Variants in ST3GAL6 observed in about 807,000 individuals in gnomAD.
ST3GAL6 encodes the protein type 2 lactosamine alpha-2,3-sialyltransferase.
Under a neutral mutation model 40.5 loss-of-function variants are expected in ST3GAL6, and 31 were observed. The observed-to-expected ratio is 0.77, with a 90% CI of 0.58 to 1.03. The LOEUF is 1.03. ST3GAL6 is among the 50% of genes least tolerant of loss of function. The probability of loss-of-function intolerance (pLI) is 0.00; values close to 1 mark genes in which losing one functional copy is unlikely to be tolerated. For synonymous variants in ST3GAL6, 129 were observed against 136.9 expected (o/e 0.94, Z 0.40); for missense variants, 357 against 393.2 (o/e 0.91, Z 0.78).
chr3:98,783,029 C>T, intron 5 of ST3GAL6: 2 of 287,918 alleles, frequency 6.9e-6, no homozygotes, highest in East Asian at 1.1e-4. Flanking sequence ...GCTGCGGGGA[C>T]CATCATCCCC....
intron 1 of ST3GAL6, among the ~76,000 whole-genome samples, chr3:98,764,423 G>A (rs1386199922): frequency 6.6e-6 from 1 of 152,140 alleles, no homozygotes; most frequent in South Asian, 2.1e-4. Context: ...GGGAGTAACA[G>A]GCTTTTATTT....
intron 1 of ST3GAL6, among the ~76,000 whole-genome samples, chr3:98,751,303 G>A (rs1033137186): frequency 6.6e-6 from 1 of 152,086 alleles, no homozygotes; most frequent in African/African-American, 2.4e-5. Context: ...GGAAACTCAG[G>A]AACTATACTT....
intron 5 of ST3GAL6, among the ~76,000 whole-genome samples, chr3:98,782,027 G>A (rs1383666443): frequency 1.3e-5 from 2 of 152,184 alleles, no homozygotes; most frequent in Admixed American, 1.3e-4. Flanking sequence ...GATGATTTGG[G>A]GAGGATAATG....
Position 98,768,416 on chromosome 3 carries a change from T to C in ST3GAL6, c.-11-14T>C. On this transcript the variant is annotated splice_polypyrimidine_tract_variant and intron_variant, in intron 1 of 9. Coordinates refer to ENST00000483910, the MANE Select transcript of ST3GAL6 (RefSeq NM_001323368.2). ...ACCTGGCCTTTGCTTTGGACTTCAT[T>C]CCTTGTGTTTCAGGTGAGCCAGCCA... 1 of 1,605,796 alleles carries C rather than the reference T, an allele frequency of 6.2e-7. No individual in the cohort carries two copies. The highest frequency in any genetic ancestry group is 1.7e-5 in the Admixed American group (1 of 59,976).
chr3:98,754,462 G>C (rs948031054), intron 1 of ST3GAL6, among the ~76,000 whole-genome samples: 1 of 152,214 alleles, frequency 6.6e-6, no homozygotes, highest in Non-Finnish European at 1.5e-5. Context: ...GTGATTCCTT[G>C]AGATGAAATC....
chr3:98,774,116 G>A, intron 5 of ST3GAL6, 133 bp downstream of exon 5: 1 of 657,640 alleles, frequency 1.5e-6, no homozygotes, highest in Non-Finnish European at 2.6e-6. Context: ...AAAATTTCTA[G>A]TAGTAATTTG....
chr3:98,771,088 G>A, intron 3 of ST3GAL6, 132 bp downstream of exon 3: 1 of 1,497,436 alleles, frequency 6.7e-7, no homozygotes, highest in South Asian at 1.2e-5. Context: ...TTAAGGAAGA[G>A]CTTGAATATC....
At chr3:98,785,724 G>A (rs566109395) in intron 6 of ST3GAL6, among the ~76,000 whole-genome samples, 1 of 152,316 alleles carries the variant, frequency 6.6e-6, no homozygotes, top group Admixed American at 6.5e-5. Flanking sequence ...TTAAGCAAGA[G>A]AACAAAGCAG....
chr3:98,750,217 A>C (rs1347505861), intron 1 of ST3GAL6, among the ~76,000 whole-genome samples: 1 of 152,212 alleles, frequency 6.6e-6, no homozygotes, highest in Admixed American at 6.5e-5. Flanking sequence ...GTACTTTCCA[A>C]GCTCAGAATA....
intron 1 of ST3GAL6, among the ~76,000 whole-genome samples, chr3:98,742,155 A>G (rs949276875): frequency 6.6e-6 from 1 of 152,196 alleles, no homozygotes; most frequent in African/African-American, 2.4e-5. Flanking sequence ...TTGGCATTGC[A>G]ATTAAGTTTT....
At chr3:98,756,348 T>A in intron 1 of ST3GAL6, 1 of 1,288,734 alleles carries the variant, frequency 7.8e-7, no homozygotes, top group Non-Finnish European at 1.0e-6. Context: ...AGAAACATAC[T>A]ATCTTTATGT....
intron 5 of ST3GAL6, chr3:98,783,016 A>C: frequency 3.3e-6 from 1 of 298,624 alleles, no homozygotes; most frequent in Non-Finnish European, 6.6e-6. Context: ...GCATGTTTGT[A>C]AAGCTGCGGG....
chr3:98,780,212 G>A lies in ST3GAL6; in HGVS notation c.336-4733G>A, dbSNP rs145243259. ...GGAGTGCGATTCAGACAGCTTATCT[G>A]TACCATTCCATACTTCCCAGAGCCA... On this transcript the variant is annotated intron_variant, in intron 5 of 9. Transcript: ENST00000483910. Among the ~76,000 whole-genome samples the A allele has an allele frequency of 2.9e-4, 44 of 152,304 alleles. No homozygotes were observed. In the East Asian group the frequency reaches 7.7e-3, roughly 27 times the overall value.
At chr3:98,767,590 T>A (rs1324033428) in intron 1 of ST3GAL6, among the ~76,000 whole-genome samples, 2 of 152,198 alleles carry the variant, frequency 1.3e-5, no homozygotes, top group Admixed American at 1.3e-4. Context: ...TTGAAATAGG[T>A]CTATTATGGA....
At chr3:98,752,364 A>G (rs1275814671) in intron 1 of ST3GAL6, among the ~76,000 whole-genome samples, 1 of 152,072 alleles carries the variant, frequency 6.6e-6, no homozygotes, top group Non-Finnish European at 1.5e-5. Context: ...CATCTTGGTA[A>G]TCTTAATATT....
At chr3:98,779,845 A>G (rs1243502407) in intron 5 of ST3GAL6, among the ~76,000 whole-genome samples, 2 of 152,246 alleles carry the variant, frequency 1.3e-5, no homozygotes, top group African/African-American at 4.8e-5. Flanking sequence ...AAGTAGGGAA[A>G]TAACCTCCAT....
At chr3:98,755,204 G>A (rs1406475152) in intron 1 of ST3GAL6, among the ~76,000 whole-genome samples, 2 of 152,060 alleles carry the variant, frequency 1.3e-5, no homozygotes, top group Non-Finnish European at 2.9e-5. Context: ...CTGCCACCGC[G>A]CCTGACTGAT....
chr3:98,763,317 C>G, upstream of ST3GAL6: 1 of 1,288,654 alleles, frequency 7.8e-7, no homozygotes, highest in South Asian at 1.2e-5. Context: ...TGGCCATGTT[C>G]CACACAGTCT....
chr3:98,790,444 C>T (rs1941100627), intron 8 of ST3GAL6, among the ~76,000 whole-genome samples: 1 of 151,978 alleles, frequency 6.6e-6, no homozygotes, highest in Admixed American at 6.6e-5. Context: ...CTTTTGTTTC[C>T]TTAAAAAAAT....
Sources: gnomAD v4.1 joint callset for allele counts (sites outside exome capture counted in the v4.1 genomes callset) on GRCh38, gnomAD v4.1.1 for gene constraint, MANE v1.5 for transcripts, NCBI Gene and HGNC (gene_info 2026-07-23, HGNC 2026-07-21) for gene names.